GRIN1: variants seen among roughly 807,000 people sequenced by gnomAD.
GRIN1 encodes glutamate ionotropic receptor NMDA type subunit 1.
GRIN1 carries 38 observed loss-of-function variants against 103.0 expected under a neutral mutation model. That is an observed-to-expected ratio of 0.37 (90% CI 0.28 to 0.48). The LOEUF (loss-of-function observed/expected upper bound fraction) is 0.48, where lower values mean the gene tolerates loss of function less well. Ranked by LOEUF, GRIN1 falls within the 20% of genes least tolerant of loss-of-function variation. GRIN1 has a pLI of 0.98. For synonymous variants in GRIN1, 544 were observed against 532.7 expected (o/e 1.02, Z -0.29); for missense variants, 577 against 1,288.9 (o/e 0.45, Z 8.46).
chr9:137,165,013 G>A, intron 18 of GRIN1, 173 bp from the exon 19 acceptor site: 1 of 656,114 alleles, frequency 1.5e-6, no homozygotes, highest in Non-Finnish European at 2.8e-6. Flanking sequence ...CCGGGCAGGA[G>A]AAGAGGCCAC....
chr9:137,164,231 G>A (rs569643126), intron 18 of GRIN1: 4 of 425,712 alleles, frequency 9.4e-6, no homozygotes, highest in Non-Finnish European at 1.8e-5. Flanking sequence ...ACAGGGGCCC[G>A]CCTGTGTATG....
intron 19 of GRIN1, 86 bp downstream of exon 19, chr9:137,165,382 C>T (rs1334601731): frequency 1.4e-5 from 12 of 871,342 alleles, no homozygotes; most frequent in Non-Finnish European, 1.7e-5. Context: ...CCGCCCCGGA[C>T]CCTGGGCTCC....
chr9:137,164,004 G>A (rs1833714849), intron 18 of GRIN1, 100 bp downstream of exon 18: 1 of 1,394,082 alleles, frequency 7.2e-7, no homozygotes, highest in South Asian at 1.2e-5. Context: ...GGCTCTGGTG[G>A]GCAGGACTGG....
intron 1 of GRIN1, among the ~76,000 whole-genome samples, chr9:137,141,610 G>A (rs1832165942): frequency 6.6e-6 from 1 of 152,160 alleles, no homozygotes; most frequent in Non-Finnish European, 1.5e-5. Flanking sequence ...CGGGATGTGG[G>A]CTGGCCCCAC....
intron 19 of GRIN1, 130 bp downstream of exon 19, chr9:137,165,426 G>A (rs1833816325): frequency 2.8e-6 from 2 of 715,616 alleles, no homozygotes; most frequent in Non-Finnish European, 5.1e-6. Context: ...CCCTGTGGCG[G>A]CCGCTCTGCC....
chr9:137,157,181 G>C (rs1833281665), intron 6 of GRIN1, 144 bp downstream of exon 6: 1 of 844,100 alleles, frequency 1.2e-6, no homozygotes, highest in Non-Finnish European at 1.8e-6. Flanking sequence ...GACTAGGCGG[G>C]GCCGCTCTTA....
chr9:137,147,041 TC>T (rs66478167), intron 3 of GRIN1, among the ~76,000 whole-genome samples: 1,477 of 90,962 alleles, frequency 0.016, 164 homozygotes, highest in Middle Eastern at 0.04. Context: ...GACAGGCCCC[TC>T]CCCCCCAGCA....
intron 19 of GRIN1, among the ~76,000 whole-genome samples, chr9:137,166,485 G>A (rs959774977): frequency 2.6e-5 from 4 of 152,364 alleles, no homozygotes; most frequent in East Asian, 3.9e-4. Context: ...GCTTACGCCC[G>A]GGGGAGGAAG....
At position 137,145,721 on chromosome 9, in the gene GRIN1, C is replaced by T. The variant is rs200856141; in HGVS notation, c.394-5C>T. On this transcript the variant is annotated splice_polypyrimidine_tract_variant and splice_region_variant and intron_variant, in intron 2 of 19. Coordinates refer to ENST00000371561, the MANE Select transcript of GRIN1 (RefSeq NM_007327.4). Reference sequence around the variant, plus strand: ...CTCAGCCCGCCGTGCCCCCGCCTCCCGCAGAGCATCCACCTGAGCTTCCTG... The same window carrying T: ...CTCAGCCCGCCGTGCCCCCGCCTCCTGCAGAGCATCCACCTGAGCTTCCTG... 1.9e-5 allele frequency: 30 copies of T among 1,612,240 alleles called. No individual in the cohort carries two copies. The highest frequency in any genetic ancestry group is 2.3e-5 in the Non-Finnish European group (27 of 1,179,170).
intron 4 of GRIN1, among the ~76,000 whole-genome samples, chr9:137,153,162 T>C (rs1159129575): frequency 6.7e-6 from 1 of 150,190 alleles, no homozygotes; most frequent in African/African-American, 2.5e-5. Flanking sequence ...ACACCACTCA[T>C]AGATCTCTAC....
rs373607422 is a variant in GRIN1, at chr9:137,161,131, A to C, written c.1273A>C (p.Thr425Pro). ...LSDGTCKEEF[T>P]VNGDPVKKVI... is the part of the protein sequence containing the mutation. ...TGATGGGACATGCAAGGAGGAGTTC[A>C]CAGTCAACGGCGACCCAGTCAAGAA... The change falls in exon 9 of 20, where the codon ACA becomes CCA. Residue 425 changes from threonine to proline, a missense_variant. By Grantham distance (38) the Thr-to-Pro change is conservative (BLOSUM62 -1). This residue lies in a region of GRIN1 where 96 missense variants were observed against 145.0 expected (regional missense o/e 0.66). Transcript: ENST00000371561. 6.2e-7 allele frequency: 1 copy of C among 1,612,674 alleles called. No individual in the cohort carries two copies. Among genetic ancestry groups the C allele is most frequent in the Non-Finnish European group, 8.5e-7 (1 of 1,179,886 alleles).
Position 137,163,238 on chromosome 9 carries a change from G to C in GRIN1, c.2241G>C (p.Val747=), listed in dbSNP as rs116354349. The change falls in exon 16 of 20, where the codon GTG becomes GTC. Residue 747 remains valine, a synonymous_variant. Coordinates refer to ENST00000371561, the MANE Select transcript of GRIN1 (RefSeq NM_007327.4). ...AGGCCTCGCAGAAGTGCGACCTGGT[G>C]ACGACTGGAGAGCTGTTTTTCCGCT... ...EFEASQKCDL[V]TTGELFFRSG... is the part of the protein sequence containing the mutation. The C allele has an allele frequency of 3.1e-3, 5,082 of 1,613,744 alleles. 103 individuals carry two copies. The African/African-American group carries it at 0.054, about 17-fold the overall frequency.
At chr9:137,147,660 G>A (rs532150761) in intron 3 of GRIN1, among the ~76,000 whole-genome samples, 34 of 152,366 alleles carry the variant, frequency 2.2e-4, no homozygotes, top group African/African-American at 6.5e-4. Context: ...TATGCGAGCC[G>A]AAGGGCGTGG....
At chr9:137,165,533 C>A in intron 19 of GRIN1, 1 of 561,384 alleles carries the variant, frequency 1.8e-6, no homozygotes. Context: ...AGTCTGCCCG[C>A]CCACCTCCCC....
rs1467857067 is a variant in GRIN1, at chr9:137,168,723, T to A, written c.*1196T>A. 1.1e-5 allele frequency: 7 copies of A among 647,352 alleles called. No homozygotes were observed. Among genetic ancestry groups the A allele is most frequent in the Non-Finnish European group, 1.1e-5 (5 of 465,940 alleles). The allele number at this position is 647,352 out of a possible 1,614,324, so 40.1% of individuals were successfully genotyped here. A position where few individuals can be genotyped will look rare whatever the true frequency, so the allele number is the denominator to read the frequency against. On this transcript the variant is annotated 3_prime_UTR_variant, in exon 20 of 20. Coordinates refer to ENST00000371561, the MANE Select transcript of GRIN1 (RefSeq NM_007327.4). Reference sequence around the variant, plus strand: ...ACCGCCCAACCCCCACCTCCCGGTGTATGCAGTGGTGATGCCTAAAGGAAT... The same window carrying A: ...ACCGCCCAACCCCCACCTCCCGGTGAATGCAGTGGTGATGCCTAAAGGAAT...
chr9:137,158,657 G>A lies in GRIN1; in HGVS notation c.1150G>A (p.Gly384Arg), dbSNP rs1185667771. The A allele has an allele frequency of 1.2e-6, 2 of 1,612,886 alleles. No individual in the cohort carries two copies. Among genetic ancestry groups the A allele is most frequent in the East Asian group, 2.2e-5 (1 of 44,876 alleles). ...PNDRKIIWPGGETEKPRGYQM... is the reference protein window; with the variant it reads ...PNDRKIIWPGRETEKPRGYQM... ...TGACAGGAAGATCATCTGGCCAGGC[G>A]GAGAGACAGAGAAGCCTCGAGGGTA... The change falls in exon 8 of 20, where the codon GGA becomes AGA. Residue 384 changes from glycine to arginine, a missense_variant. Physicochemically the swap from Gly to Arg is moderately radical, Grantham distance 125 (BLOSUM62 -2). Coordinates refer to ENST00000371561, the MANE Select transcript of GRIN1 (RefSeq NM_007327.4).
chr9:137,144,608 T>TCGCACCAC (rs577341720), intron 2 of GRIN1, among the ~76,000 whole-genome samples: 3 of 148,754 alleles, frequency 2.0e-5, no homozygotes, highest in South Asian at 2.1e-4. Context: ...TGAGCCGAGA[T>TCGCACCAC]TGCACTCCAG....
Position 137,145,856 on chromosome 9 carries a change from C to T in GRIN1, c.524C>T (p.Ala175Val), listed in dbSNP as rs200577112. The T allele has an allele frequency of 2.7e-5, 43 of 1,610,180 alleles. No homozygotes were observed. The highest frequency in any genetic ancestry group is 2.5e-5 in the Non-Finnish European group (30 of 1,178,342). Residue 175 changes from alanine (A) to valine (V), a missense_variant, in exon 3 of 20, where the codon GCG becomes GTG. Coordinates refer to ENST00000371561, the MANE Select transcript of GRIN1 (RefSeq NM_007327.4). ...GTCAGCGACGACCACGAGGGCCGGG[C>T]GGCTCAGAAACGCCTGGAGACGCTG... is the stretch of plus-strand genomic sequence containing the variant. ...LLVSDDHEGR[A>V]AQKRLETLLE...
In GRIN1 at chr9:137,158,396, A is replaced by G. The variant is rs748225069; in HGVS notation, c.986A>G (p.Lys329Arg). ...PLFKRVLMSSKYADGVTGRVE... is the reference protein window; with the variant it reads ...PLFKRVLMSSRYADGVTGRVE... ...TTCCCTAGAGTGCTGATGTCTTCCA[A>G]GTATGCGGATGGGGTGACTGGTCGC... is the stretch of plus-strand genomic sequence containing the variant. The change falls in exon 7 of 20, where the codon AAG becomes AGG. Residue 329 changes from lysine (K) to arginine (R), a missense_variant. Around this residue, in one of 9 missense-constraint regions of GRIN1, gnomAD observed 308 missense variants for 553.6 expected, o/e 0.56. Transcript: ENST00000371561. 6.2e-7 allele frequency: 1 copy of G among 1,613,530 alleles called. No individual in the cohort carries two copies. The highest frequency in any genetic ancestry group is 8.5e-7 in the Non-Finnish European group (1 of 1,180,008).
Sources: allele counts gnomAD v4.1 joint callset (sites outside exome capture counted in the v4.1 genomes callset), GRCh38; gene constraint gnomAD v4.1.1; regional missense constraint gnomAD v4.1.1; transcripts MANE v1.5; gene names NCBI Gene and HGNC (gene_info 2026-07-23, HGNC 2026-07-21).